The following NTNG2 variants were observed in gnomAD, a reference collection of about 807,000 sequenced individuals.
The protein encoded by NTNG2 is netrin-G2.
In NTNG2, 15 loss-of-function variants were observed where a neutral mutation model predicts 47.6. The observed-to-expected ratio is 0.32, with a 90% CI of 0.21 to 0.49. The LOEUF is 0.49. Among genes scored for constraint, NTNG2 ranks in the 20% least tolerant of loss-of-function variants. NTNG2 has a pLI of 0.99. For missense variants in NTNG2, 578 were observed against 764.6 expected, an observed-to-expected ratio of 0.76 and a Z score of 2.88; for synonymous variants, 307 against 324.6, an observed-to-expected ratio of 0.95 and a Z score of 0.58.
Position 132,221,571 on chromosome 9 carries a change from C to G in NTNG2, c.858-5278C>G, listed in dbSNP as rs1490757209. Among the ~76,000 whole-genome samples, 1 of 152,230 alleles carries G rather than the reference C, an allele frequency of 6.6e-6. No homozygotes were observed. The highest frequency in any genetic ancestry group is 2.4e-5 in the African/African-American group (1 of 41,466). Reference sequence around the variant, plus strand: ...TGCAGCCCTGCTAGACAGGGCAATTCTCTCCTTTGGAAGAGGAGGCACTGT... The same window carrying G: ...TGCAGCCCTGCTAGACAGGGCAATTGTCTCCTTTGGAAGAGGAGGCACTGT... On this transcript the variant is annotated intron_variant, in intron 3 of 7. Transcript: ENST00000393229. This position sits in a 1 kb window ranked among gnomAD's most constrained non-coding sequence, Gnocchi z 4.2.
chr9:132,214,183 G>A (rs1470493394), intron 3 of NTNG2, among the ~76,000 whole-genome samples: 1 of 152,240 alleles, frequency 6.6e-6, no homozygotes, highest in Non-Finnish European at 1.5e-5. Flanking sequence ...CGGCAGCCAG[G>A]AGTTGACCTA....
chr9:132,216,414 C>CTCTCTCTCTG (rs1554790515), intron 3 of NTNG2, among the ~76,000 whole-genome samples: 21 of 110,334 alleles, frequency 1.9e-4, no homozygotes, highest in African/African-American at 8.3e-4. Flanking sequence ...CTCTCTCTCT[C>CTCTCTCTCTG]TGTGTGTGTG....
intron 2 of NTNG2, among the ~76,000 whole-genome samples, chr9:132,172,626 C>T (rs953701429): frequency 6.6e-6 from 1 of 151,788 alleles, no homozygotes; most frequent in African/African-American, 2.4e-5. Flanking sequence ...TGGACTTGAT[C>T]AGTGCCCAGT....
chr9:132,184,416 G>A (rs955008873), intron 2 of NTNG2, among the ~76,000 whole-genome samples: 10 of 152,218 alleles, frequency 6.6e-5, no homozygotes, highest in African/African-American at 1.9e-4. Context: ...GGACACACCC[G>A]TCATTAACCG....
At chr9:132,224,517 CCG>C (rs1274175586) in intron 3 of NTNG2, among the ~76,000 whole-genome samples, 1 of 152,180 alleles carries the variant, frequency 6.6e-6, no homozygotes, top group Non-Finnish European at 1.5e-5. Context: ...CCTGCTAGAC[CCG>C]AAGCACCATC....
rs958266844 is a variant in NTNG2 at position 132,221,459 on chromosome 9, CAGAG to C, written c.858-5386_858-5383del. On this transcript the variant is annotated intron_variant, in intron 3 of 7. Transcript: ENST00000393229. This position sits in a 1 kb window ranked among gnomAD's most constrained non-coding sequence, Gnocchi z 4.2. ...ACCACCCACAGTGACCTGCAAAAGT[CAGAG>C]AGACCAGAAGCACCTGCATTGACCA... Among the ~76,000 whole-genome samples the C allele has an allele frequency of 1.3e-3, 203 of 152,298 alleles. No individual in the cohort carries two copies. The highest frequency in any genetic ancestry group is 4.6e-3 in the African/African-American group (193 of 41,546).
chr9:132,181,665 G>A (rs1242311853), intron 2 of NTNG2, among the ~76,000 whole-genome samples: 2 of 152,172 alleles, frequency 1.3e-5, no homozygotes, highest in East Asian at 1.9e-4. Context: ...CAGAAACATC[G>A]AGCATTTGTT....
Position 132,231,461 on chromosome 9 carries a change from C to T in NTNG2, c.1054+866C>T, listed in dbSNP as rs1388004148. 1 of 391,024 alleles carries T rather than the reference C, an allele frequency of 2.6e-6. No individual in the cohort carries two copies. Among genetic ancestry groups the T allele is most frequent in the South Asian group, 1.8e-5 (1 of 54,386 alleles). 24.2% of individuals were successfully genotyped at this position (391,024 alleles called of 1,614,324 possible). A position where few individuals can be genotyped will look rare whatever the true frequency, so the allele number is the denominator to read the frequency against. On this transcript the variant is annotated intron_variant, in intron 5 of 7. Coordinates refer to ENST00000393229, the MANE Select transcript of NTNG2 (RefSeq NM_032536.4). The surrounding 1 kb of genome is among the most constrained non-coding windows in gnomAD (Gnocchi z 4.1). ...GCTCTGTGGGGCCCCACATCCCACCCAAGTTGTCCCTCCCGGACCCAGGGG... is the reference window on the plus strand; with the variant it reads ...GCTCTGTGGGGCCCCACATCCCACCTAAGTTGTCCCTCCCGGACCCAGGGG...
At chr9:132,233,259 C>T (rs1211464421) in intron 5 of NTNG2, 1 of 152,328 alleles carries the variant, frequency 6.6e-6, no homozygotes, top group Admixed American at 6.5e-5. Context: ...AGATACTCTC[C>T]ATATCACATG....
rs1402714225 is a variant in NTNG2, at chr9:132,213,000, G to T, written c.858-13849G>T. ...ACGTCTTGACTCAGGCCTGGGCATA[G>T]CAGATGGGAATTACCATGTAGAAAA... On this transcript the variant is annotated intron_variant, in intron 3 of 7. Transcript: ENST00000393229. 2.6e-5 allele frequency among the ~76,000 whole-genome samples: 4 copies of T among 152,214 alleles called. No individual in the cohort carries two copies. The East Asian group carries it at 7.7e-4, about 29-fold the overall frequency.
At chr9:132,214,544 C>T (rs921757896) in intron 3 of NTNG2, among the ~76,000 whole-genome samples, 4 of 152,216 alleles carry the variant, frequency 2.6e-5, no homozygotes, top group Non-Finnish European at 5.9e-5. Flanking sequence ...TTACTAGGGA[C>T]TCATCCATTC....
In NTNG2 at chr9:132,166,825, C is replaced by T. The variant is rs201159599; in HGVS notation, c.-7C>T. 84 of 1,613,122 alleles carry T rather than the reference C, an allele frequency of 5.2e-5. No individual in the cohort carries two copies. In the East Asian group the frequency reaches 1.0e-3, roughly 19 times the overall value. The stretch of plus-strand genomic sequence containing the variant: ...CTCTGGGCCGCGCCTCTGCAGACTG[C>T]GCAGCCATGCTGCATCTGCTGGCGC... On this transcript the variant is annotated 5_prime_UTR_variant, in exon 2 of 8. Coordinates refer to ENST00000393229, the MANE Select transcript of NTNG2 (RefSeq NM_032536.4).
chr9:132,198,105 C>A lies in NTNG2; in HGVS notation c.353C>A (p.Pro118Gln). 1 of 1,613,876 alleles carries A rather than the reference C, an allele frequency of 6.2e-7. No individual in the cohort carries two copies. The highest frequency in any genetic ancestry group is 8.5e-7 in the Non-Finnish European group (1 of 1,180,000). ...ATCACCTGGAGCCGCTACCCCAGCC[C>A]GCTGGAAGCCAACATCACCCTTTCG... ...QSITWSRYPS[P>Q]LEANITLSWN... The change falls in exon 3 of 8, where the codon CCG (proline) becomes CAG (glutamine). Residue 118 changes from proline (P) to glutamine (Q), a missense_variant. By Grantham distance (76) the Pro-to-Gln change is moderately conservative. Coordinates refer to ENST00000393229, the MANE Select transcript of NTNG2 (RefSeq NM_032536.4).
chr9:132,227,318 AC>A (rs1476879673), intron 4 of NTNG2, among the ~76,000 whole-genome samples: 1 of 152,224 alleles, frequency 6.6e-6, no homozygotes. Context: ...CCTCTAGCAT[AC>A]CTGCATCCTG....
intron 2 of NTNG2, among the ~76,000 whole-genome samples, chr9:132,179,064 C>G (rs1444790052): frequency 2.0e-5 from 3 of 152,050 alleles, no homozygotes; most frequent in Non-Finnish European, 4.4e-5. Context: ...CTTCCTTGAG[C>G]CCCCCATGAG....
rs143777458 is a variant in NTNG2 at position 132,181,849 on chromosome 9, C to A, written c.213+14805C>A. Among the ~76,000 whole-genome samples, 998 of 152,376 alleles carry A rather than the reference C, an allele frequency of 6.5e-3. 6 individuals carry two copies. The highest frequency in any genetic ancestry group is 0.02 in the Middle Eastern group (6 of 294). ...AGCTTCTAAGTAGAGGAGGCTGGCA[C>A]CTCCAGCCTGGGCCGCCCGGCCCGG... is the stretch of plus-strand genomic sequence containing the variant. On this transcript the variant is annotated intron_variant, in intron 2 of 7. Coordinates refer to ENST00000393229, the MANE Select transcript of NTNG2 (RefSeq NM_032536.4).
chr9:132,169,210 G>A (rs1437285949), intron 2 of NTNG2, among the ~76,000 whole-genome samples: 1 of 152,258 alleles, frequency 6.6e-6, no homozygotes, highest in African/African-American at 2.4e-5. Flanking sequence ...AGTCCTCGGC[G>A]TCTCGCCACC....
At chr9:132,181,862 C>T (rs760954492) in intron 2 of NTNG2, among the ~76,000 whole-genome samples, 33 of 152,244 alleles carry the variant, frequency 2.2e-4, no homozygotes, top group Non-Finnish European at 3.7e-4. Flanking sequence ...CCAGCCTGGG[C>T]CGCCCGGCCC....
chr9:132,195,528 T>C (rs1249747342), intron 2 of NTNG2, among the ~76,000 whole-genome samples: 4 of 144,740 alleles, frequency 2.8e-5, no homozygotes, highest in South Asian at 2.2e-4. Flanking sequence ...GGGGTTTCAC[T>C]GTGTTAGCCA....
Sources: gnomAD v4.1 joint callset for allele counts (sites outside exome capture counted in the v4.1 genomes callset) on GRCh38, gnomAD v4.1.1 for gene constraint, Gnocchi (gnomAD v3.1) non-coding constraint, MANE v1.5 for transcripts, NCBI Gene and HGNC (gene_info 2026-07-23, HGNC 2026-07-21) for gene names.